The following TMTC1 variants were observed in gnomAD, a reference collection of about 807,000 sequenced individuals.
The protein encoded by TMTC1 is transmembrane O-mannosyltransferase targeting cadherins 1, also known as protein O-mannosyl-transferase TMTC1.
In TMTC1, 73 loss-of-function variants were observed where a neutral mutation model predicts 104.8. The observed-to-expected ratio is 0.70, with a 90% confidence interval of 0.58 to 0.85. The LOEUF is 0.85. Ranked by LOEUF, TMTC1 falls within the 40% of genes least tolerant of loss-of-function variation. The probability of loss-of-function intolerance (pLI) is 0.00; values close to 1 mark genes in which losing one functional copy is unlikely to be tolerated. For synonymous variants in TMTC1, 434 were observed against 428.7 expected (o/e 1.01, Z -0.15); for missense variants, 1,035 against 1,096.1 (o/e 0.94, Z 0.79).
At chr12:29,665,965 C>T (rs1940260101) in intron 5 of TMTC1, among the ~76,000 whole-genome samples, 1 of 152,250 alleles carries the variant, frequency 6.6e-6, no homozygotes, top group South Asian at 2.1e-4. Context: ...CCACACCCTG[C>T]TCACTGGCTA....
chr12:29,503,700 T>G lies in TMTC1; in HGVS notation c.*3146A>C, dbSNP rs1943641730. The G allele has an allele frequency of 6.6e-6, 1 of 152,190 alleles. No individual in the cohort carries two copies. The highest frequency in any genetic ancestry group is 2.1e-4 in the South Asian group (1 of 4,826). The allele number at this position is 152,190 out of a possible 1,614,324, so 9.4% of individuals were successfully genotyped here. ...TCAGCCAGGCCAAAGCAACTCCTGT[T>G]TTATCCTCAGCCATCCTTCCTACCC... On this transcript the variant is annotated 3_prime_UTR_variant, in exon 18 of 18. Transcript: ENST00000539277.
chr12:29,513,561 CACTT>C (rs1399937236), intron 16 of TMTC1, among the ~76,000 whole-genome samples: 6 of 152,220 alleles, frequency 3.9e-5, no homozygotes, highest in African/African-American at 1.4e-4. Context: ...AAAATCCACT[CACTT>C]ATTTCCCAAC....
At position 29,633,202 on chromosome 12, in the gene TMTC1, A is replaced by T; in HGVS notation, c.1073T>A (p.Ile358Asn). The T allele has an allele frequency of 6.2e-7, 1 of 1,614,064 alleles. No homozygotes were observed. The highest frequency in any genetic ancestry group is 8.5e-7 in the Non-Finnish European group (1 of 1,179,970). ...TIWDMRNLAT[I>N]FLAVVMALLS... ...TAAGGCCATCACAACCGCCAGAAAGATGGTGGCTAAGTTCCGCATGTCCCA... is the reference window on the plus strand; with the variant it reads ...TAAGGCCATCACAACCGCCAGAAAGTTGGTGGCTAAGTTCCGCATGTCCCA... The change falls in exon 6 of 18, where the codon ATC (isoleucine) becomes AAC (asparagine). Residue 358 changes from isoleucine to asparagine, a missense_variant. Transcript: ENST00000539277.
intron 5 of TMTC1, among the ~76,000 whole-genome samples, chr12:29,747,873 T>C (rs1057049508): frequency 2.0e-5 from 3 of 152,138 alleles, no homozygotes; most frequent in Non-Finnish European, 2.9e-5. Context: ...AGAGATCAAA[T>C]AACTCGTCTG....
chr12:29,706,304 A>G (rs568313510), intron 5 of TMTC1, among the ~76,000 whole-genome samples: 139 of 152,296 alleles, frequency 9.1e-4, no homozygotes, highest in Non-Finnish European at 1.6e-3. Flanking sequence ...TTTTCCTAAG[A>G]GCAAGGATTT....
chr12:29,758,437 T>C lies in TMTC1; in HGVS notation c.554+267A>G, dbSNP rs114022336. Among the ~76,000 whole-genome samples the C allele has an allele frequency of 5.7e-3, 864 of 152,266 alleles. 10 individuals carry two copies. The highest frequency in any genetic ancestry group is 0.02 in the African/African-American group (819 of 41,548). On this transcript the variant is annotated intron_variant, in intron 3 of 17. Transcript: ENST00000539277. Reference sequence around the variant, plus strand: ...CCAAATTCACTTCTCAGTAAGAAACTACAAGTAAAAGGAATGATAAAGCAA... The same window carrying C: ...CCAAATTCACTTCTCAGTAAGAAACCACAAGTAAAAGGAATGATAAAGCAA...
At chr12:29,533,153 A>G (rs1020710842) in intron 11 of TMTC1, 4 of 152,202 alleles carry the variant, frequency 2.6e-5, no homozygotes, top group African/African-American at 9.7e-5. Context: ...ATTATCTATC[A>G]ATGTAAAACT....
chr12:29,597,242 CTT>C (rs36063501), intron 7 of TMTC1, among the ~76,000 whole-genome samples: 249 of 124,092 alleles, frequency 2.0e-3, no homozygotes, highest in African/African-American at 5.4e-3. Context: ...TCTTTTCTTT[CTT>C]TTTTTTTTTT....
At chr12:29,617,392 T>A (rs764823604) in intron 6 of TMTC1, among the ~76,000 whole-genome samples, 19 of 152,162 alleles carry the variant, frequency 1.2e-4, no homozygotes, top group Non-Finnish European at 1.9e-4. Flanking sequence ...TTCATTGCCA[T>A]CTAAAAAGAT....
intron 5 of TMTC1, among the ~76,000 whole-genome samples, chr12:29,672,369 T>C (rs192098058): frequency 6.6e-5 from 10 of 152,204 alleles, no homozygotes; most frequent in African/African-American, 2.4e-4. Flanking sequence ...TGGGGTCCAT[T>C]GCTAGTGGGA....
chr12:29,663,210 A>G (rs1940115443), intron 5 of TMTC1, among the ~76,000 whole-genome samples: 1 of 152,096 alleles, frequency 6.6e-6, no homozygotes, highest in Non-Finnish European at 1.5e-5. Context: ...CTCTATTGTG[A>G]CTATTATTTT....
intron 6 of TMTC1, among the ~76,000 whole-genome samples, chr12:29,611,664 A>G (rs1592321137): frequency 6.6e-6 from 1 of 152,264 alleles, no homozygotes; most frequent in East Asian, 1.9e-4. Context: ...ACAAAAATGT[A>G]AAAGGCATTA....
chr12:29,523,905 T>C lies in TMTC1; in HGVS notation c.1786-3185A>G, dbSNP rs576729248. ...TGGTCTGGTCTGCTGGGGCCTATTGTATGAACTCAGTCCAAAATAATGGCA... is the reference window on the plus strand; with the variant it reads ...TGGTCTGGTCTGCTGGGGCCTATTGCATGAACTCAGTCCAAAATAATGGCA... On this transcript the variant is annotated intron_variant, in intron 11 of 17. Coordinates refer to ENST00000539277, the MANE Select transcript of TMTC1 (RefSeq NM_001193451.2). 8.5e-5 allele frequency among the ~76,000 whole-genome samples: 13 copies of C among 152,254 alleles called. No individual in the cohort carries two copies. The East Asian group carries it at 2.3e-3, about 27-fold the overall frequency.
chr12:29,645,511 C>G (rs1939228013), intron 5 of TMTC1, among the ~76,000 whole-genome samples: 1 of 152,118 alleles, frequency 6.6e-6, no homozygotes, highest in Non-Finnish European at 1.5e-5. Context: ...ATATAGTAAT[C>G]TTATTAATAG....
chr12:29,604,219 C>G lies in TMTC1; in HGVS notation c.1209G>C (p.Arg403Ser), dbSNP rs1474727655. Residue 403 changes from arginine to serine, a missense_variant, in exon 7 of 18, where the codon AGG becomes AGC. Transcript: ENST00000539277. ...CTCTCTCCGCCACCACAAAACCCAC[C>G]CTGAAGAAGAGGTTGCTGGCTGGAA... is the stretch of plus-strand genomic sequence containing the variant. ...PFIPASNLFF[R>S]VGFVVAERVL... 2 of 1,613,796 alleles carry G rather than the reference C, an allele frequency of 1.2e-6. No individual in the cohort carries two copies. The highest frequency in any genetic ancestry group is 1.7e-6 in the Non-Finnish European group (2 of 1,179,898).
chr12:29,745,448 C>A (rs917898147), intron 5 of TMTC1, among the ~76,000 whole-genome samples: 6 of 151,930 alleles, frequency 3.9e-5, no homozygotes, highest in Non-Finnish European at 7.4e-5. Context: ...CATGGTGAAA[C>A]CCTGTCTCTA....
chr12:29,572,376 A>T (rs1209819951), intron 8 of TMTC1, among the ~76,000 whole-genome samples, 158 bp from the exon 9 acceptor site: 2 of 152,284 alleles, frequency 1.3e-5, no homozygotes, highest in African/African-American at 2.4e-5. Context: ...TTTACAAATT[A>T]TATAATTTAC....
At chr12:29,570,489 T>C (rs903145186) in intron 9 of TMTC1, among the ~76,000 whole-genome samples, 2 of 152,238 alleles carry the variant, frequency 1.3e-5, no homozygotes, top group African/African-American at 4.8e-5. Context: ...CTGGAACTTA[T>C]AATTCTTGTA....
chr12:29,737,060 G>A (rs1049323906), intron 5 of TMTC1, among the ~76,000 whole-genome samples: 1 of 152,252 alleles, frequency 6.6e-6, no homozygotes, highest in Non-Finnish European at 1.5e-5. Context: ...TTTAAAGACT[G>A]CTTACAGATG....
Sources: allele counts gnomAD v4.1 joint callset (sites outside exome capture counted in the v4.1 genomes callset), GRCh38; gene constraint gnomAD v4.1.1; transcripts MANE v1.5; gene names NCBI Gene and HGNC (gene_info 2026-07-23, HGNC 2026-07-21).